Variants in MVB12A observed in about 807,000 individuals in gnomAD.
The protein encoded by MVB12A is CIN85/CD2AP family binding protein.
MVB12A carries 30 observed loss-of-function variants against 34.3 expected under a neutral mutation model. That is an observed-to-expected ratio of 0.88 (90% CI 0.65 to 1.19). The LOEUF is 1.19. MVB12A is among the 50% of genes most tolerant of loss of function. The pLI, the probability that MVB12A is intolerant of heterozygous loss-of-function variation, is 0.00. For synonymous variants in MVB12A, 158 were observed against 158.9 expected (o/e 0.99, Z 0.04); for missense variants, 355 against 369.2 (o/e 0.96, Z 0.31).
At position 17,424,099 on chromosome 19, in the gene MVB12A, C is replaced by T. The variant is rs186083406; in HGVS notation, c.702+32C>T. On this transcript the variant is annotated intron_variant, in intron 7 of 8. Coordinates refer to ENST00000317040, the MANE Select transcript of MVB12A (RefSeq NM_138401.4). Reference sequence around the variant, plus strand: ...CGGGGTCTCAGGGAGCCTGGGTCTGCGCCTGCCATCACCATTCTGGGTGCC... The same window carrying T: ...CGGGGTCTCAGGGAGCCTGGGTCTGTGCCTGCCATCACCATTCTGGGTGCC... The T allele has an allele frequency of 6.9e-4, 1,110 of 1,600,594 alleles. 1 individual carries two copies. In the African/African-American group the frequency reaches 7.3e-3, roughly 10 times the overall value.
chr19:17,411,504 C>G (rs1855056375), intron 2 of MVB12A, among the ~76,000 whole-genome samples: 1 of 151,756 alleles, frequency 6.6e-6, no homozygotes, highest in Non-Finnish European at 1.5e-5. Context: ...CACAGATGCT[C>G]AGTACCACAC....
upstream of MVB12A, chr19:17,420,036 T>A: frequency 1.7e-5 from 5 of 291,328 alleles, no homozygotes; most frequent in Non-Finnish European, 2.1e-5. Flanking sequence ...CCGCATGGCC[T>A]TCTGGGAGTT....
Position 17,424,663 on chromosome 19 carries a change from G to A in MVB12A, c.745G>A (p.Asp249Asn), listed in dbSNP as rs35944915. ...GGACCTGACCATCAAGTCTCTGGCG[G>A]ACATTGAGGAGGAGGTGGGTGCAGG... is the stretch of plus-strand genomic sequence containing the variant. Reference protein sequence around the residue: ...FGDLTIKSLADIEEEYNYGFV... With the variant: ...FGDLTIKSLANIEEEYNYGFV... The change falls in exon 8 of 9, where the codon GAC (aspartate) becomes AAC (asparagine). Residue 249 changes from aspartate to asparagine, a missense_variant. Coordinates refer to ENST00000317040, the MANE Select transcript of MVB12A (RefSeq NM_138401.4). 0.032 allele frequency: 52,288 copies of A among 1,611,046 alleles called. 1,070 individuals are homozygous for A. Among genetic ancestry groups the A allele is most frequent in the Middle Eastern group, 0.062 (375 of 6,030 alleles).
At position 17,422,405 on chromosome 19, in the gene MVB12A, T is replaced by C. The variant is rs975153706; in HGVS notation, c.360T>C (p.Phe120=). 1.2e-6 allele frequency: 2 copies of C among 1,613,628 alleles called. No individual in the cohort carries two copies. Among genetic ancestry groups the C allele is most frequent in the African/African-American group, 2.7e-5 (2 of 74,872 alleles). ...LPLGATDTAV[F]DVRLSGKTKT... ...TGGGAGCCACGGACACGGCTGTGTT[T>C]GATGTCCGGCTGAGTGGGAAGACCA... Residue 120 remains phenylalanine (F), a synonymous_variant, in exon 4 of 9, where the codon TTT becomes TTC. Transcript: ENST00000317040.
upstream of MVB12A, among the ~76,000 whole-genome samples, chr19:17,416,723 T>TC (rs1435103344): frequency 6.8e-6 from 1 of 147,880 alleles, no homozygotes; most frequent in African/African-American, 2.5e-5. Context: ...CACCCTTTTT[T>TC]TTTTTTTCCT....
chr19:17,421,561 A>G (rs941363708), intron 3 of MVB12A, among the ~76,000 whole-genome samples: 2 of 152,150 alleles, frequency 1.3e-5, no homozygotes, highest in African/African-American at 4.8e-5. Context: ...TTTAGGCTTT[A>G]CAGGGCAGAT....
intron 3 of MVB12A, 110 bp downstream of exon 3, chr19:17,420,744 G>T: frequency 2.7e-6 from 2 of 735,032 alleles, no homozygotes; most frequent in East Asian, 2.6e-5. Flanking sequence ...CCTGGCACAC[G>T]GGGTGATGAC....
chr19:17,422,467 A>C lies in MVB12A; in HGVS notation c.413+9A>C. ...GGATACCTTCGAATAGGGTAGGGCC[A>C]CCCCCCAGTGTCTAGCCACCTTCCC... On this transcript the variant is annotated intron_variant, in intron 4 of 8. Coordinates refer to ENST00000317040, the MANE Select transcript of MVB12A (RefSeq NM_138401.4). 1 of 1,597,904 alleles carries C rather than the reference A, an allele frequency of 6.3e-7. No homozygotes were observed. The highest frequency in any genetic ancestry group is 8.5e-7 in the Non-Finnish European group (1 of 1,170,698).
upstream of MVB12A, chr19:17,419,278 CCTT>C (rs2074820635): frequency 6.6e-6 from 1 of 152,260 alleles, no homozygotes; most frequent in Middle Eastern, 3.4e-3. Flanking sequence ...GAGAGCCTCT[CCTT>C]CTCCATTCCT....
At chr19:17,407,069 A>G (rs2074733548) in intron 2 of MVB12A, among the ~76,000 whole-genome samples, 1 of 152,178 alleles carries the variant, frequency 6.6e-6, no homozygotes, top group Non-Finnish European at 1.5e-5. Context: ...TGAATTGCAC[A>G]TTGGAGGCCA....
rs2074827122 is a variant in MVB12A at position 17,420,064 on chromosome 19, G to A, written c.-72G>A. 9.9e-7 allele frequency: 1 copy of A among 1,013,084 alleles called. No individual in the cohort carries two copies. Among genetic ancestry groups the A allele is most frequent in the Non-Finnish European group, 1.3e-6 (1 of 784,288 alleles). 62.8% of individuals were successfully genotyped at this position (1,013,084 alleles called of 1,614,324 possible). A position where few individuals can be genotyped will look rare whatever the true frequency, so the allele number is the denominator to read the frequency against. On this transcript the variant is annotated 5_prime_UTR_variant, in exon 1 of 9. Transcript: ENST00000317040. ...TGGGAGTTGTAGTTCGGTCGCGAGC[G>A]CTGCCGTCGGGAGGCGCTCCGAGGT...
At chr19:17,410,850 A>C (rs2074764568) in intron 2 of MVB12A, among the ~76,000 whole-genome samples, 1 of 135,454 alleles carries the variant, frequency 7.4e-6, no homozygotes, top group East Asian at 2.3e-4. Context: ...AATCGCTTGA[A>C]CCCAGAGGCA....
In MVB12A at chr19:17,422,419, G is replaced by A; in HGVS notation, c.374G>A (p.Ser125Asn). Reference protein sequence around the residue: ...TDTAVFDVRLSGKTKTVPGYL... With the variant: ...TDTAVFDVRLNGKTKTVPGYL... Reference sequence around the variant, plus strand: ...ACGGCTGTGTTTGATGTCCGGCTGAGTGGGAAGACCAAGACAGTGCCTGGA... The same window carrying A: ...ACGGCTGTGTTTGATGTCCGGCTGAATGGGAAGACCAAGACAGTGCCTGGA... The change falls in exon 4 of 9, where the codon AGT becomes AAT. Residue 125 changes from serine to asparagine, a missense_variant. By Grantham distance (46) the Ser-to-Asn change is conservative. Transcript: ENST00000317040. 2 of 1,613,650 alleles carry A rather than the reference G, an allele frequency of 1.2e-6. No homozygotes were observed. Among genetic ancestry groups the A allele is most frequent in the Non-Finnish European group, 1.7e-6 (2 of 1,179,778 alleles).
intron 8 of MVB12A, 126 bp from the exon 9 acceptor site, chr19:17,424,805 A>G: frequency 7.5e-7 from 1 of 1,334,160 alleles, no homozygotes; most frequent in Non-Finnish European, 1.0e-6. Context: ...CCAGACACAC[A>G]CCATCTCTCC....
intron 2 of MVB12A, among the ~76,000 whole-genome samples, chr19:17,410,182 T>G (rs1266714013): frequency 1.3e-5 from 2 of 151,968 alleles, no homozygotes; most frequent in Non-Finnish European, 2.9e-5. Flanking sequence ...TTTTTTTATT[T>G]TCTTTTGAGA....
chr19:17,423,538 G>A lies in MVB12A; in HGVS notation c.454G>A (p.Ala152Thr), dbSNP rs752925919. The A allele has an allele frequency of 3.7e-6, 6 of 1,613,760 alleles. No individual in the cohort carries two copies. The Admixed American group carries it at 1.0e-4, about 27-fold the overall frequency. The part of the protein sequence containing the change: ...GFAIWCKKAK[A>T]PRPVPKPRGL... The stretch of plus-strand genomic sequence containing the variant: ...TGCCATCTGGTGCAAGAAGGCCAAG[G>A]CCCCGAGGCCAGTGCCCAAGCCCCG... The change falls in exon 5 of 9, where the codon GCC becomes ACC. Residue 152 changes from alanine (A) to threonine (T), a missense_variant. Physicochemically the swap from Ala to Thr is moderately conservative, Grantham distance 58. Coordinates refer to ENST00000317040, the MANE Select transcript of MVB12A (RefSeq NM_138401.4).
In MVB12A at chr19:17,424,622, CCTT is replaced by C; in HGVS notation, c.707_709del (p.Phe236del). On this transcript the variant is annotated inframe_deletion and splice_region_variant, in exon 8 of 9. Transcript: ENST00000317040. The stretch of plus-strand genomic sequence containing the variant: ...GGCTGACCCACCTCTGCCCGCCAGG[CCTT>C]CTCTGCTTTTGGGGACCTGACCATC... The C allele has an allele frequency of 6.2e-7, 1 of 1,612,580 alleles. No homozygotes were observed. The highest frequency in any genetic ancestry group is 8.5e-7 in the Non-Finnish European group (1 of 1,179,426).
At chr19:17,424,784 C>T in intron 8 of MVB12A, 107 bp downstream of exon 8, 1 of 1,434,204 alleles carries the variant, frequency 7.0e-7, no homozygotes, top group Non-Finnish European at 9.5e-7. Context: ...TTTCCCCATC[C>T]CCGCTTTGCC....
At chr19:17,405,944 AGAGG>A in intron 1 of MVB12A, 1 of 168,204 alleles carries the variant, frequency 5.9e-6, no homozygotes, top group Non-Finnish European at 1.3e-5. Flanking sequence ...CTGAAGAGGC[AGAGG>A]CCATCACTGT....
Sources: gnomAD v4.1 joint callset for allele counts (sites outside exome capture counted in the v4.1 genomes callset) on GRCh38, gnomAD v4.1.1 for gene constraint, MANE v1.5 for transcripts, NCBI Gene and HGNC (gene_info 2026-07-23, HGNC 2026-07-21) for gene names.